FIGN: variants seen among roughly 807,000 people sequenced by gnomAD.
FIGN encodes the protein fidgetin, microtubule severing factor.
In FIGN, 11 loss-of-function variants were observed where a neutral mutation model predicts 51.3. The observed-to-expected ratio is 0.21, with a 90% CI of 0.13 to 0.35. FIGN has a LOEUF of 0.35. Ranked by LOEUF, FIGN falls within the 10% of genes least tolerant of loss-of-function variation. The pLI is 1.00. For synonymous variants in FIGN, 407 were observed against 363.2 expected, an observed-to-expected ratio of 1.12 and a Z score of -1.37; for missense variants, 857 against 943.6, an observed-to-expected ratio of 0.91 and a Z score of 1.20.
chr2:163,679,899 C>A (rs533176458), intron 2 of FIGN, among the ~76,000 whole-genome samples: 6 of 152,182 alleles, frequency 3.9e-5, no homozygotes, highest in Non-Finnish European at 7.3e-5. Context: ...CTGGAATCAA[C>A]TTCCACATTG....
At position 163,610,194 on chromosome 2, in the gene FIGN, T is replaced by C; in HGVS notation, c.1638A>G (p.Thr546=). The C allele has an allele frequency of 6.2e-7, 1 of 1,614,060 alleles. No homozygotes were observed. Among genetic ancestry groups the C allele is most frequent in the Non-Finnish European group, 8.5e-7 (1 of 1,180,000 alleles). The change falls in exon 3 of 3, where the codon ACA becomes ACG. Residue 546 remains threonine, a synonymous_variant. Transcript: ENST00000333129. ...GTCCAGAACCGGCAATTTTGAAAAA[T>C]GTGGCCCCCAGCTGACTAGCGATGC... ...GRCIASQLGA[T]FFKIAGSGLV...
chr2:163,668,245 C>T (rs140647576), intron 2 of FIGN, among the ~76,000 whole-genome samples: 1 of 152,156 alleles, frequency 6.6e-6, no homozygotes, highest in Non-Finnish European at 1.5e-5. Context: ...AGGAAAGCAC[C>T]TAGGGAGAGC....
At chr2:163,663,331 T>C (rs2105328937) in intron 2 of FIGN, among the ~76,000 whole-genome samples, 1 of 151,884 alleles carries the variant, frequency 6.6e-6, no homozygotes, top group South Asian at 2.1e-4. Flanking sequence ...TTGTTTTTGT[T>C]TGTTTGTTTG....
At chr2:163,619,754 T>C (rs1391907254) in intron 2 of FIGN, among the ~76,000 whole-genome samples, 2 of 152,120 alleles carry the variant, frequency 1.3e-5, no homozygotes, top group Non-Finnish European at 2.9e-5. Flanking sequence ...ACAGAAACCA[T>C]ATCATTTAAA....
At chr2:163,631,643 A>G (rs1351173707) in intron 2 of FIGN, among the ~76,000 whole-genome samples, 1 of 151,730 alleles carries the variant, frequency 6.6e-6, no homozygotes, top group Non-Finnish European at 1.5e-5. Flanking sequence ...CTTATACTGC[A>G]TTTTGTTTTT....
At position 163,605,900 on chromosome 2, in the gene FIGN, T is replaced by G. The variant is rs1205319165; in HGVS notation, c.*3652A>C. 6.6e-6 allele frequency: 1 copy of G among 150,926 alleles called. No homozygotes were observed. The allele number at this position is 150,926 out of a possible 1,614,324, so 9.3% of individuals were successfully genotyped here. A position where few individuals can be genotyped will look rare whatever the true frequency, so the allele number is the denominator to read the frequency against. On this transcript the variant is annotated 3_prime_UTR_variant, in exon 3 of 3. Coordinates refer to ENST00000333129, the MANE Select transcript of FIGN (RefSeq NM_018086.4). ...CCTATTATAGGAACTAATTTGGATTTTTTTTTTTTTTGGATGTGTTCTTTT... is the reference window on the plus strand; with the variant it reads ...CCTATTATAGGAACTAATTTGGATTGTTTTTTTTTTTGGATGTGTTCTTTT...
At chr2:163,669,312 A>T (rs1683838753) in intron 2 of FIGN, among the ~76,000 whole-genome samples, 1 of 152,098 alleles carries the variant, frequency 6.6e-6, no homozygotes, top group Non-Finnish European at 1.5e-5. Context: ...CTCAGGCTCA[A>T]GTGATCCTCC....
In FIGN at chr2:163,611,040, A is replaced by G; in HGVS notation, c.792T>C (p.Pro264=). The G allele has an allele frequency of 6.2e-7, 1 of 1,613,898 alleles. No individual in the cohort carries two copies. The highest frequency in any genetic ancestry group is 8.5e-7 in the Non-Finnish European group (1 of 1,179,992). Reference sequence around the variant, plus strand: ...CTGAAGGCGGAGGCGGTGCCCCCCCAGGGCTGTACCCAGACCCCACAGCAG... The same window carrying G: ...CTGAAGGCGGAGGCGGTGCCCCCCCGGGGCTGTACCCAGACCCCACAGCAG... ...PQTAVGSGYS[P]GGAPPPPSAY... is the part of the protein sequence containing the mutation. The change falls in exon 3 of 3, where the codon CCT becomes CCC. Residue 264 remains proline, a synonymous_variant. Transcript: ENST00000333129.
At chr2:163,617,300 T>A in intron 2 of FIGN, 2 of 904,340 alleles carry the variant, frequency 2.2e-6, no homozygotes, top group Non-Finnish European at 1.3e-6. Flanking sequence ...AAGCTGAATG[T>A]AACAGAGGGG....
chr2:163,610,506 C>T lies in FIGN; in HGVS notation c.1326G>A (p.Met442Ile), dbSNP rs756795961. ...DEHRQLLSHP[M>I]QGPGLRAATS... ...TAGCTGCACGGAGTCCAGGGCCTTG[C>T]ATTGGGTGAGAGAGGAGCTGCCTGT... Residue 442 changes from methionine to isoleucine, a missense_variant, in exon 3 of 3, where the codon ATG becomes ATA. Physicochemically the swap from Met to Ile is conservative, Grantham distance 10. Transcript: ENST00000333129. 3 of 1,614,156 alleles carry T rather than the reference C, an allele frequency of 1.9e-6. No homozygotes were observed. Among genetic ancestry groups the T allele is most frequent in the Non-Finnish European group, 2.5e-6 (3 of 1,180,034 alleles).
chr2:163,696,537 A>C (rs1378092744), intron 2 of FIGN, among the ~76,000 whole-genome samples: 1 of 152,152 alleles, frequency 6.6e-6, no homozygotes, highest in African/African-American at 2.4e-5. Flanking sequence ...CACTTTGTGG[A>C]GATTCAACAT....
At chr2:163,707,128 T>C (rs1684512368) in intron 2 of FIGN, among the ~76,000 whole-genome samples, 2 of 152,114 alleles carry the variant, frequency 1.3e-5, no homozygotes, top group Non-Finnish European at 2.9e-5. Context: ...AAGCTTACCA[T>C]GTTTATCTGT....
At chr2:163,634,755 T>C (rs1013103424) in intron 2 of FIGN, among the ~76,000 whole-genome samples, 1 of 152,224 alleles carries the variant, frequency 6.6e-6, no homozygotes, top group Non-Finnish European at 1.5e-5. Context: ...AGAATATTTT[T>C]GGAACTTAAG....
At chr2:163,726,163 C>T (rs1216797726) in intron 2 of FIGN, among the ~76,000 whole-genome samples, 3 of 152,030 alleles carry the variant, frequency 2.0e-5, no homozygotes, top group Admixed American at 2.0e-4. Flanking sequence ...TTTTTTCCTT[C>T]CAGTTTGTCA....
chr2:163,631,089 A>T (rs942121629), intron 2 of FIGN, among the ~76,000 whole-genome samples: 10 of 152,178 alleles, frequency 6.6e-5, no homozygotes, highest in African/African-American at 2.4e-4. Flanking sequence ...GAGGGCAACT[A>T]TGTGGGAAGC....
chr2:163,614,551 A>G (rs1008106483), intron 2 of FIGN, among the ~76,000 whole-genome samples: 1 of 152,132 alleles, frequency 6.6e-6, no homozygotes, highest in African/African-American at 2.4e-5. Flanking sequence ...AGTAGAGAAA[A>G]TAAGAACACA....
intron 2 of FIGN, among the ~76,000 whole-genome samples, chr2:163,672,720 T>C (rs144221228): frequency 2.0e-5 from 3 of 152,202 alleles, no homozygotes; most frequent in Non-Finnish European, 4.4e-5. Context: ...GCCACGATGA[T>C]GTTTAGAAGT....
intron 2 of FIGN, among the ~76,000 whole-genome samples, chr2:163,666,686 C>A (rs1425070090): frequency 6.6e-6 from 1 of 152,062 alleles, no homozygotes; most frequent in Non-Finnish European, 1.5e-5. Flanking sequence ...AACCCAAGAA[C>A]CATGTCTTGT....
chr2:163,719,084 C>T (rs761117311), intron 2 of FIGN, among the ~76,000 whole-genome samples: 7 of 152,082 alleles, frequency 4.6e-5, no homozygotes, highest in Admixed American at 6.5e-5. Context: ...GCAGAAGATA[C>T]GACAAGAGAA....
Sources: allele counts gnomAD v4.1 joint callset (sites outside exome capture counted in the v4.1 genomes callset), GRCh38; gene constraint gnomAD v4.1.1; transcripts MANE v1.5; gene names NCBI Gene and HGNC (gene_info 2026-07-23, HGNC 2026-07-21).